SORCS1: variants seen among roughly 807,000 people sequenced by gnomAD.
SORCS1 encodes the protein sortilin related VPS10 domain containing receptor 1.
SORCS1 carries 60 observed loss-of-function variants against 146.1 expected under a neutral mutation model. The ratio of observed to expected loss-of-function variants is 0.41; its 90% CI spans 0.33 to 0.51. The LOEUF is 0.51. Among genes scored for constraint, SORCS1 ranks in the 20% least tolerant of loss-of-function variants. The pLI is 0.21. For synonymous variants in SORCS1, 637 were observed against 584.0 expected, an observed-to-expected ratio of 1.09 and a Z score of -1.31; for missense variants, 1,352 against 1,487.6, an observed-to-expected ratio of 0.91 and a Z score of 1.50.
At chr10:107,112,178 G>C (rs2134461842) in intron 1 of SORCS1, among the ~76,000 whole-genome samples, 1 of 151,882 alleles carries the variant, frequency 6.6e-6, no homozygotes, top group South Asian at 2.1e-4. Flanking sequence ...AAAAACTATA[G>C]CTATAATAAT....
At chr10:106,885,742 T>A (rs1014597575) in intron 2 of SORCS1, among the ~76,000 whole-genome samples, 12 of 152,290 alleles carry the variant, frequency 7.9e-5, no homozygotes, top group African/African-American at 2.9e-4. Flanking sequence ...AATTCCCATG[T>A]CTTATGGGAG....
chr10:107,083,119 A>T (rs1008985804), intron 1 of SORCS1, among the ~76,000 whole-genome samples: 1 of 151,710 alleles, frequency 6.6e-6, no homozygotes, highest in Admixed American at 6.6e-5. Context: ...ACAAAAAAAA[A>T]AAAAAAAAAA....
At chr10:106,956,280 A>C in intron 2 of SORCS1, among the ~76,000 whole-genome samples, 1 of 152,226 alleles carries the variant, frequency 6.6e-6, no homozygotes, top group East Asian at 1.9e-4. Flanking sequence ...CCTATCATAC[A>C]GGTTAGCAAA....
chr10:107,113,221 A>G (rs1262892600), intron 1 of SORCS1, among the ~76,000 whole-genome samples: 2 of 152,188 alleles, frequency 1.3e-5, no homozygotes, highest in Non-Finnish European at 2.9e-5. Context: ...AAACTCACCA[A>G]TATGTGGAAA....
chr10:106,826,920 A>G (rs1271551446), intron 3 of SORCS1, among the ~76,000 whole-genome samples: 24 of 152,210 alleles, frequency 1.6e-4, no homozygotes, highest in Admixed American at 1.6e-3. Context: ...TCAAGTCTTA[A>G]GAACAGTAAA....
chr10:106,694,189 C>G (rs983610531), intron 9 of SORCS1, among the ~76,000 whole-genome samples: 3 of 152,156 alleles, frequency 2.0e-5, no homozygotes, highest in Admixed American at 6.5e-5. Flanking sequence ...GTTGCCTCAA[C>G]CAAAGAGCAC....
At chr10:106,849,944 C>A (rs1949479597) in intron 2 of SORCS1, among the ~76,000 whole-genome samples, 1 of 152,162 alleles carries the variant, frequency 6.6e-6, no homozygotes, top group Non-Finnish European at 1.5e-5. Context: ...TCTGCCCGTT[C>A]TCAGATCTCC....
chr10:106,648,143 C>T (rs1849590541), intron 18 of SORCS1, among the ~76,000 whole-genome samples: 1 of 152,120 alleles, frequency 6.6e-6, no homozygotes, highest in South Asian at 2.1e-4. Context: ...ATCCACCGCA[C>T]CATTCCTATA....
At chr10:106,589,461 G>C (rs972493398) in intron 24 of SORCS1, among the ~76,000 whole-genome samples, 2 of 152,146 alleles carry the variant, frequency 1.3e-5, no homozygotes, top group African/African-American at 2.4e-5. Context: ...GATAGAGCTT[G>C]AAAGATTTAA....
chr10:106,599,415 GAGA>G (rs1180007481), intron 23 of SORCS1, among the ~76,000 whole-genome samples: 1 of 151,512 alleles, frequency 6.6e-6, no homozygotes, highest in Admixed American at 6.6e-5. Context: ...GGAGGGGAAG[GAGA>G]AGGAGAAGTG....
intron 2 of SORCS1, among the ~76,000 whole-genome samples, chr10:106,920,820 T>C (rs1952675570): frequency 6.6e-6 from 1 of 152,094 alleles, no homozygotes; most frequent in East Asian, 1.9e-4. Context: ...CCTGGATGGG[T>C]GCATCTCCAG....
At chr10:106,982,911 C>G (rs544677327) in intron 1 of SORCS1, among the ~76,000 whole-genome samples, 2 of 152,030 alleles carry the variant, frequency 1.3e-5, no homozygotes, top group East Asian at 3.9e-4. Context: ...CTATTGAGAG[C>G]TTTTTGATAC....
intron 3 of SORCS1, among the ~76,000 whole-genome samples, chr10:106,818,315 C>A (rs528275731): frequency 1.3e-5 from 2 of 151,868 alleles, no homozygotes; most frequent in Non-Finnish European, 2.9e-5. Flanking sequence ...TTTATTGCAC[C>A]TGAAAATAAA....
chr10:106,759,913 G>T (rs1429879695), intron 5 of SORCS1, among the ~76,000 whole-genome samples: 1 of 12,912 alleles, frequency 7.7e-5, no homozygotes, highest in Non-Finnish European at 1.3e-4. Context: ...ATAATAAACT[G>T]CATCCCTCAA....
At chr10:106,971,355 C>T (rs762427280) in intron 1 of SORCS1, among the ~76,000 whole-genome samples, 3 of 152,138 alleles carry the variant, frequency 2.0e-5, no homozygotes, top group Non-Finnish European at 4.4e-5. Flanking sequence ...ATTTGTGGAT[C>T]GTCTGACTGA....
chr10:106,629,061 G>C, intron 19 of SORCS1, 141 bp downstream of exon 19: 1 of 666,956 alleles, frequency 1.5e-6, no homozygotes, highest in Non-Finnish European at 2.5e-6. Flanking sequence ...TCCTTATTTT[G>C]GTCTCTTAAT....
At chr10:106,852,492 G>T (rs965873805) in intron 2 of SORCS1, among the ~76,000 whole-genome samples, 21 of 151,940 alleles carry the variant, frequency 1.4e-4, no homozygotes, top group Non-Finnish European at 7.4e-5. Flanking sequence ...GCTGGGCATG[G>T]TGTTGCACGC....
chr10:107,128,272 C>T (rs1187860198), intron 1 of SORCS1, among the ~76,000 whole-genome samples: 2 of 152,100 alleles, frequency 1.3e-5, no homozygotes, highest in Admixed American at 1.3e-4. Flanking sequence ...AAAGAATTTA[C>T]ACAAAAGAAA....
At chr10:106,926,042 G>A (rs1013376001) in intron 2 of SORCS1, among the ~76,000 whole-genome samples, 1 of 152,150 alleles carries the variant, frequency 6.6e-6, no homozygotes, top group East Asian at 1.9e-4. Flanking sequence ...TTTCCTAGAT[G>A]GCAAATCACG....
Sources: allele counts gnomAD v4.1 joint callset (sites outside exome capture counted in the v4.1 genomes callset), GRCh38; gene constraint gnomAD v4.1.1; transcripts MANE v1.5; gene names NCBI Gene and HGNC (gene_info 2026-07-23, HGNC 2026-07-21).